The following CAMTA1 variants were observed in gnomAD, a reference collection of about 807,000 sequenced individuals.
CAMTA1 encodes the protein calmodulin-binding transcription activator 1.
A neutral mutation model predicts 170.9 loss-of-function variants in CAMTA1; 27 were observed. That is an observed-to-expected ratio of 0.16 (90% CI 0.12 to 0.22). The LOEUF is 0.22. CAMTA1 is among the 10% of genes least tolerant of loss of function. CAMTA1 has a pLI of 1.00. For synonymous variants in CAMTA1, 833 were observed against 891.5 expected (o/e 0.93, Z 1.17); for missense variants, 1,619 against 2,217.2 (o/e 0.73, Z 5.42).
chr1:7,499,309 A>AGTGT (rs145551629), intron 6 of CAMTA1, among the ~76,000 whole-genome samples: 2 of 57,632 alleles, frequency 3.5e-5, no homozygotes, highest in Non-Finnish European at 6.6e-5. Context: ...TATGTATATG[A>AGTGT]GTGTGTGTGC....
chr1:7,558,194 C>T (rs930695247), intron 6 of CAMTA1, among the ~76,000 whole-genome samples: 33 of 152,226 alleles, frequency 2.2e-4, no homozygotes, highest in African/African-American at 7.2e-4. Context: ...AGCTCCGCCT[C>T]GGGGCCGCAT....
At chr1:7,335,639 G>A (rs754475908) in intron 5 of CAMTA1, among the ~76,000 whole-genome samples, 11 of 152,290 alleles carry the variant, frequency 7.2e-5, no homozygotes, top group Admixed American at 2.0e-4. Context: ...GAAGAGTGAG[G>A]CCAGGATTTA....
intron 3 of CAMTA1, among the ~76,000 whole-genome samples, chr1:6,890,044 G>C (rs1674177406): frequency 6.6e-6 from 1 of 152,166 alleles, no homozygotes. Flanking sequence ...TGATTTTAAA[G>C]AGCAGTTCCA....
rs1247870805 is a variant in CAMTA1, at chr1:7,299,180, G to A, written c.438+49554G>A. Among the ~76,000 whole-genome samples the A allele has an allele frequency of 6.6e-6, 1 of 152,162 alleles. No homozygotes were observed. Among genetic ancestry groups the A allele is most frequent in the East Asian group, 1.9e-4 (1 of 5,196 alleles). ...GTGGGGAGACCTGATTCCCTGCCTA[G>A]TGCTTCCTTCGTTTTCATGGATTCT... On this transcript the variant is annotated intron_variant, in intron 5 of 22. Transcript: ENST00000303635. The surrounding 1 kb of genome is among the most constrained non-coding windows in gnomAD (Gnocchi z 4.7).
chr1:6,895,042 G>A (rs905919292), intron 3 of CAMTA1, among the ~76,000 whole-genome samples: 1 of 152,168 alleles, frequency 6.6e-6, no homozygotes, highest in Admixed American at 6.5e-5. Flanking sequence ...CAGGCCCTGA[G>A]CCTGTGTGTG....
intron 5 of CAMTA1, among the ~76,000 whole-genome samples, chr1:7,431,272 G>A (rs2092141265): frequency 1.3e-5 from 2 of 152,184 alleles, no homozygotes; most frequent in Admixed American, 1.3e-4. Context: ...ATCAGCAGCT[G>A]GGTCCTCAAG....
intron 6 of CAMTA1, among the ~76,000 whole-genome samples, chr1:7,598,774 T>A (rs1483112211): frequency 6.6e-6 from 1 of 152,230 alleles, no homozygotes; most frequent in African/African-American, 2.4e-5. Flanking sequence ...TTGCCCACTT[T>A]TTGATGGGGT....
At chr1:6,914,244 A>G (rs946650529) in intron 3 of CAMTA1, among the ~76,000 whole-genome samples, 4 of 151,646 alleles carry the variant, frequency 2.6e-5, no homozygotes, top group Non-Finnish European at 5.9e-5. Context: ...AGCTGGGATT[A>G]CAGATGCCTG....
rs539996642 is a variant in CAMTA1, at chr1:7,537,847, A to C, written c.510+69946A>C. 2.6e-5 allele frequency among the ~76,000 whole-genome samples: 4 copies of C among 152,326 alleles called. No individual in the cohort carries two copies. The East Asian group carries it at 7.7e-4, about 29-fold the overall frequency. On this transcript the variant is annotated intron_variant, in intron 6 of 22. Transcript: ENST00000303635. ...GTTCAGTCTCGCCTTTTGGGGATAG[A>C]AAAAAAGACTTTTTAAAATCTTTTT...
At chr1:7,098,104 TGTGTGTGTGTGTGTGTGCACGTGCGC>T (rs1642287917) in intron 4 of CAMTA1, among the ~76,000 whole-genome samples, 1 of 151,526 alleles carries the variant, frequency 6.6e-6, no homozygotes, top group Non-Finnish European at 1.5e-5. Flanking sequence ...ACGAATTGTG[TGTGTGTGTGTGTGTGTGCACGTGCGC>T]GTGCGTGCGC....
At chr1:7,250,450 C>T (rs2067995) in intron 5 of CAMTA1, among the ~76,000 whole-genome samples, 14 of 152,056 alleles carry the variant, frequency 9.2e-5, no homozygotes, top group African/African-American at 3.1e-4. Context: ...GCCTTGGGCC[C>T]GGAGCTGAGA....
intron 3 of CAMTA1, among the ~76,000 whole-genome samples, chr1:6,855,319 G>T (rs1661879926): frequency 6.6e-6 from 1 of 151,776 alleles, no homozygotes; most frequent in South Asian, 2.1e-4. Context: ...AAGAAAAGAG[G>T]TTTAATTTGT....
At chr1:7,392,890 A>T (rs2088882530) in intron 5 of CAMTA1, among the ~76,000 whole-genome samples, 1 of 151,792 alleles carries the variant, frequency 6.6e-6, no homozygotes. Context: ...TCAATCAATC[A>T]ATCAATCTAT....
At position 6,828,611 on chromosome 1, in the gene CAMTA1, A is replaced by G. The variant is rs138550610; in HGVS notation, c.234+3401A>G. 1.0e-3 allele frequency among the ~76,000 whole-genome samples: 152 copies of G among 151,782 alleles called. 1 individual carries two copies. The highest frequency in any genetic ancestry group is 3.5e-3 in the African/African-American group (144 of 41,404). On this transcript the variant is annotated intron_variant, in intron 3 of 22. Transcript: ENST00000303635. ...GGCCCCATCCTACCATTTATTGAGCACCTGTTCTTTACTACTGACTGGGTA... is the reference window on the plus strand; with the variant it reads ...GGCCCCATCCTACCATTTATTGAGCGCCTGTTCTTTACTACTGACTGGGTA...
intron 5 of CAMTA1, among the ~76,000 whole-genome samples, chr1:7,369,634 C>T (rs147386774): frequency 7.9e-5 from 12 of 152,116 alleles, no homozygotes; most frequent in East Asian, 7.8e-4. Context: ...GCCTGTGTGT[C>T]GGTGTCGCCA....
chr1:7,658,915 T>A (rs1277334721), intron 7 of CAMTA1, among the ~76,000 whole-genome samples: 1 of 152,210 alleles, frequency 6.6e-6, no homozygotes, highest in Admixed American at 6.5e-5. Context: ...AAAAGTGGGC[T>A]GTCAATGCTG....
chr1:7,633,752 C>T lies in CAMTA1; in HGVS notation c.511-6648C>T, dbSNP rs571271693. Among the ~76,000 whole-genome samples the T allele has an allele frequency of 5.9e-5, 9 of 152,354 alleles. No individual in the cohort carries two copies. Among genetic ancestry groups the T allele is most frequent in the Non-Finnish European group, 1.2e-4 (8 of 68,038 alleles). On this transcript the variant is annotated intron_variant, in intron 6 of 22. Transcript: ENST00000303635. This position sits in a 1 kb window ranked among gnomAD's most constrained non-coding sequence, Gnocchi z 4.1. Reference sequence around the variant, plus strand: ...CCCCGCAGACAGAGTCCCAGCCATCCGGAGCTCACATTGTGGCCAGGAAAA... The same window carrying T: ...CCCCGCAGACAGAGTCCCAGCCATCTGGAGCTCACATTGTGGCCAGGAAAA...
chr1:7,334,387 C>T (rs966701805), intron 5 of CAMTA1, among the ~76,000 whole-genome samples: 1 of 152,224 alleles, frequency 6.6e-6, no homozygotes, highest in African/African-American at 2.4e-5. Flanking sequence ...GGGGAAACCC[C>T]TCTTGGATCT....
At chr1:7,509,878 G>T (rs2094176654) in intron 6 of CAMTA1, among the ~76,000 whole-genome samples, 2 of 151,924 alleles carry the variant, frequency 1.3e-5, no homozygotes. Flanking sequence ...TGCTCATAAA[G>T]GATTTTCCAT....
Sources: gnomAD v4.1 joint callset for allele counts (sites outside exome capture counted in the v4.1 genomes callset) on GRCh38, gnomAD v4.1.1 for gene constraint, Gnocchi (gnomAD v3.1) non-coding constraint, MANE v1.5 for transcripts, NCBI Gene and HGNC (gene_info 2026-07-23, HGNC 2026-07-21) for gene names.